The following FLCN variants were observed in gnomAD, a reference collection of about 807,000 sequenced individuals.
FLCN encodes folliculin.
FLCN carries 22 observed loss-of-function variants against 62.5 expected under a neutral mutation model. The observed-to-expected ratio is 0.35, with a 90% CI of 0.25 to 0.50. The LOEUF is 0.50. FLCN is among the 20% of genes least tolerant of loss of function. The pLI is 0.97. For synonymous variants in FLCN, 319 were observed against 310.0 expected, an observed-to-expected ratio of 1.03 and a Z score of -0.30; for missense variants, 657 against 778.0, an observed-to-expected ratio of 0.84 and a Z score of 1.85.
In FLCN at chr17:17,215,245, G is replaced by C; in HGVS notation, c.1372C>G (p.Gln458Glu). 6.2e-7 allele frequency: 1 copy of C among 1,614,184 alleles called. No homozygotes were observed. The highest frequency in any genetic ancestry group is 1.1e-5 in the South Asian group (1 of 91,092). ...TLHPVGCEDD[Q>E]SLSKYEFVVT... The stretch of plus-strand genomic sequence containing the variant: ...ACAAACTCGTACTTGCTGAGAGACT[G>C]GTCATCCTCACACCCCACAGGGTGG... Residue 458 changes from glutamine (Q) to glutamate (E), a missense_variant, in exon 12 of 14, where the codon CAG becomes GAG. By Grantham distance (29) the Gln-to-Glu change is conservative. Coordinates refer to ENST00000285071, the MANE Select transcript of FLCN (RefSeq NM_144997.7).
In FLCN at chr17:17,213,315, CG is replaced by C; in HGVS notation, c.*339del. 1 of 486,240 alleles carries C rather than the reference CG, an allele frequency of 2.1e-6. No homozygotes were observed. Among genetic ancestry groups the C allele is most frequent in the Non-Finnish European group, 3.8e-6 (1 of 263,494 alleles). The allele number at this position is 486,240 out of a possible 1,614,324, so 30.1% of individuals were successfully genotyped here. On this transcript the variant is annotated 3_prime_UTR_variant, in exon 14 of 14. Coordinates refer to ENST00000285071, the MANE Select transcript of FLCN (RefSeq NM_144997.7). ...ATGTTATTGCGACTGCATACTGAGTCGGACCTGTTTCTCCTGCGGGTTTTGA... is the reference window on the plus strand; with the variant it reads ...ATGTTATTGCGACTGCATACTGAGTCGACCTGTTTCTCCTGCGGGTTTTGA...
At chr17:17,235,229 G>C (rs980806829) in intron 1 of FLCN, among the ~76,000 whole-genome samples, 1 of 151,570 alleles carries the variant, frequency 6.6e-6, no homozygotes, top group Non-Finnish European at 1.5e-5. Context: ...GCAGTGAGCT[G>C]AGATCGCACC....
Position 17,234,361 on chromosome 17 carries a change from G to A in FLCN, c.-227-1460C>T, listed in dbSNP as rs375429199. Reference sequence around the variant, plus strand: ...CGAGTAGCTGGAATTATGGCCGTGCGCCACCAGGACCAGCCAACTTTTGTA... The same window carrying A: ...CGAGTAGCTGGAATTATGGCCGTGCACCACCAGGACCAGCCAACTTTTGTA... On this transcript the variant is annotated intron_variant, in intron 1 of 13. Coordinates refer to ENST00000285071, the MANE Select transcript of FLCN (RefSeq NM_144997.7). Among the ~76,000 whole-genome samples the A allele has an allele frequency of 1.5e-3, 225 of 151,262 alleles. 5 individuals are homozygous for A. The South Asian group carries it at 0.046, about 31-fold the overall frequency.
Position 17,223,916 on chromosome 17 carries a change from AT to A in FLCN, c.618+5del. 6.2e-7 allele frequency: 1 copy of A among 1,613,236 alleles called. No homozygotes were observed. The highest frequency in any genetic ancestry group is 1.7e-5 in the Admixed American group (1 of 60,022). On this transcript the variant is annotated splice_donor_5th_base_variant and intron_variant, in intron 6 of 13. Transcript: ENST00000285071. ...TGCCGCCCCGGCACCTCATCTCTGA[AT>A]TCACCTTGAGCGCCTTGCCCTGGAG...
At chr17:17,232,138 G>A (rs1312663648) in intron 2 of FLCN, among the ~76,000 whole-genome samples, 5 of 152,210 alleles carry the variant, frequency 3.3e-5, no homozygotes, top group Non-Finnish European at 7.3e-5. Flanking sequence ...TGCAGGACAG[G>A]AGAGGGCAGG....
intron 5 of FLCN, 116 bp downstream of exon 5, chr17:17,226,060 G>A (rs564568257): frequency 8.4e-6 from 12 of 1,435,980 alleles, no homozygotes; most frequent in Admixed American, 5.8e-5. Flanking sequence ...CTGCGGGTCC[G>A]CCCTGAGAGA....
Position 17,228,166 on chromosome 17 carries a change from G to A in FLCN, c.-24-5C>T, listed in dbSNP as rs758705818. On this transcript the variant is annotated splice_polypyrimidine_tract_variant and splice_region_variant and intron_variant, in intron 3 of 13. Coordinates refer to ENST00000285071, the MANE Select transcript of FLCN (RefSeq NM_144997.7). ...GCCTTGGAGACTGCAACAGGCCTGC[G>A]TGGGACAGGGGACATGTCAGCTTGC... The A allele has an allele frequency of 1.2e-5, 20 of 1,608,730 alleles. No individual in the cohort carries two copies. The highest frequency in any genetic ancestry group is 5.0e-5 in the Admixed American group (3 of 59,928).
At position 17,215,177 on chromosome 17, in the gene FLCN, G is replaced by C. The variant is rs201898226; in HGVS notation, c.1432+8C>G. The C allele has an allele frequency of 6.2e-7, 1 of 1,614,076 alleles. No homozygotes were observed. The highest frequency in any genetic ancestry group is 1.7e-5 in the Admixed American group (1 of 60,016). ...CACAAAAAGGACACTCTGCCTGGGG[G>C]CACCCACCTCGGTCTGCAGCTACAG... is the stretch of plus-strand genomic sequence containing the variant. On this transcript the variant is annotated splice_region_variant and intron_variant, in intron 12 of 13. Coordinates refer to ENST00000285071, the MANE Select transcript of FLCN (RefSeq NM_144997.7).
At chr17:17,232,587 CAGG>C (rs1231787123) in intron 2 of FLCN, among the ~76,000 whole-genome samples, 198 bp downstream of exon 2, 3 of 152,090 alleles carry the variant, frequency 2.0e-5, no homozygotes, top group Non-Finnish European at 4.4e-5. Flanking sequence ...TACTGCTCAA[CAGG>C]AGATGGGGCG....
At chr17:17,218,764 G>A (rs2046997941) in intron 9 of FLCN, among the ~76,000 whole-genome samples, 1 of 152,176 alleles carries the variant, frequency 6.6e-6, no homozygotes, top group South Asian at 2.1e-4. Context: ...GCTTCTTAGA[G>A]GATTAGAGGA....
At chr17:17,221,685 C>T (rs1193426793) in intron 7 of FLCN, 57 bp from the exon 8 acceptor site, 68 of 1,556,964 alleles carry the variant, frequency 4.4e-5, no homozygotes, top group East Asian at 3.9e-4. Flanking sequence ...GCAAACCTGA[C>T]GCTCACCCAG....
chr17:17,221,473 A>G, intron 8 of FLCN, 64 bp downstream of exon 8: 2 of 1,614,070 alleles, frequency 1.2e-6, no homozygotes, highest in East Asian at 2.2e-5. Flanking sequence ...CCAGGAGAGC[A>G]GACAGCTGGT....
intron 8 of FLCN, among the ~76,000 whole-genome samples, 173 bp from the exon 9 acceptor site, chr17:17,219,382 T>C (rs970255482): frequency 2.0e-5 from 3 of 151,996 alleles, no homozygotes; most frequent in Non-Finnish European, 4.4e-5. Context: ...GAGGGCTCAG[T>C]TGCTGTCTAC....
Position 17,217,150 on chromosome 17 carries a change from G to C in FLCN, c.1095C>G (p.Ala365=). The change falls in exon 10 of 14, where the codon GCC becomes GCG. Residue 365 remains alanine, a synonymous_variant. Transcript: ENST00000285071. ...CCTGGTTCCCCATGAGAACGTGCCAGGCCAGCATGCGGAAAGAAGGGGCAC... is the reference window on the plus strand; with the variant it reads ...CCTGGTTCCCCATGAGAACGTGCCACGCCAGCATGCGGAAAGAAGGGGCAC... ...VLGAPSFRML[A]WHVLMGNQVI... 2 of 1,614,070 alleles carry C rather than the reference G, an allele frequency of 1.2e-6. No homozygotes were observed. Among genetic ancestry groups the C allele is most frequent in the Non-Finnish European group, 1.7e-6 (2 of 1,180,014 alleles).
rs1406709779 is a variant in FLCN, at chr17:17,234,466, C to T, written c.-227-1565G>A. On this transcript the variant is annotated intron_variant, in intron 1 of 13. Coordinates refer to ENST00000285071, the MANE Select transcript of FLCN (RefSeq NM_144997.7). ...ACCTCAGGTGATTCTCCCGCCTCCT[C>T]GGCCTCCCAAAGTGCTGGGATTACA... Among the ~76,000 whole-genome samples the T allele has an allele frequency of 5.3e-5, 8 of 151,450 alleles. No homozygotes were observed. The East Asian group carries it at 6.0e-4, about 11-fold the overall frequency.
chr17:17,224,026 TGCTGTACCAGC>T lies in FLCN; in HGVS notation c.503_513del (p.Arg168HisfsTer28). ...ATCCGGTCCATCATGATGGTGATGA[TGCTGTACCAGC>T]GCTGGAAGCCCCTGGCCAGGCTGTC... On this transcript the variant is annotated frameshift_variant, in exon 6 of 14. Coordinates refer to ENST00000285071, the MANE Select transcript of FLCN (RefSeq NM_144997.7). LOFTEE classifies it high-confidence loss of function. The T allele has an allele frequency of 6.2e-7, 1 of 1,613,832 alleles. No individual in the cohort carries two copies. The highest frequency in any genetic ancestry group is 1.3e-5 in the African/African-American group (1 of 75,042).
chr17:17,220,514 G>A (rs971420477), intron 8 of FLCN: 3 of 152,374 alleles, frequency 2.0e-5, no homozygotes, highest in Middle Eastern at 3.4e-3. Context: ...GAGACCCAAA[G>A]GGAAGGGTGC....
chr17:17,221,573 T>C lies in FLCN; in HGVS notation c.835A>G (p.Thr279Ala), dbSNP rs2047090568. Residue 279 changes from threonine to alanine, a missense_variant, in exon 8 of 14, where the codon ACC becomes GCC. Coordinates refer to ENST00000285071, the MANE Select transcript of FLCN (RefSeq NM_144997.7). The part of the protein sequence containing the change: ...LTEKLLEGAP[T>A]EDTLVQMEKL... ...TCCATCTGGACCAAGGTATCCTCGGTCGGAGCACCTTCCAGGAGCTTCTCG... is the reference window on the plus strand; with the variant it reads ...TCCATCTGGACCAAGGTATCCTCGGCCGGAGCACCTTCCAGGAGCTTCTCG... The C allele has an allele frequency of 3.7e-6, 6 of 1,611,752 alleles. No individual in the cohort carries two copies. Among genetic ancestry groups the C allele is most frequent in the Admixed American group, 3.3e-5 (2 of 59,984 alleles).
intron 12 of FLCN, 36 bp downstream of exon 12, chr17:17,215,149 T>C (rs773912321): frequency 6.8e-6 from 11 of 1,613,896 alleles, no homozygotes; most frequent in Non-Finnish European, 9.3e-6. Flanking sequence ...GGGGGCATCT[T>C]CTCACAAAAA....
Sources: allele counts gnomAD v4.1 joint callset (sites outside exome capture counted in the v4.1 genomes callset), GRCh38; gene constraint gnomAD v4.1.1; transcripts MANE v1.5; gene names NCBI Gene and HGNC (gene_info 2026-07-23, HGNC 2026-07-21).